Variants in SAMD3 observed in about 807,000 individuals in gnomAD.
The protein encoded by SAMD3 is sterile alpha motif domain containing 3.
A neutral mutation model predicts 58.5 loss-of-function variants in SAMD3; 63 were observed. That is an observed-to-expected ratio of 1.08 (90% CI 0.88 to 1.33). The LOEUF (loss-of-function observed/expected upper bound fraction) is 1.33. SAMD3 is among the 40% of genes most tolerant of loss of function. The probability of loss-of-function intolerance (pLI) is 0.00; values close to 1 mark genes in which losing one functional copy is unlikely to be tolerated. For synonymous variants in SAMD3, 220 were observed against 210.3 expected (o/e 1.05, Z -0.40); for missense variants, 604 against 608.4 (o/e 0.99, Z 0.08).
At chr6:130,196,179 G>A (rs1032183360) in intron 5 of SAMD3, among the ~76,000 whole-genome samples, 1 of 152,132 alleles carries the variant, frequency 6.6e-6, no homozygotes, top group Non-Finnish European at 1.5e-5. Flanking sequence ...CCGTGCAGTG[G>A]CTCCTGCCCC....
intron 2 of SAMD3, among the ~76,000 whole-genome samples, chr6:130,294,324 C>G (rs1775483191): frequency 6.6e-6 from 1 of 152,182 alleles, no homozygotes; most frequent in Non-Finnish European, 1.5e-5. Context: ...AAAATCACTT[C>G]AGAGAATCTT....
At chr6:130,349,545 C>T (rs1474997355) in intron 1 of SAMD3, among the ~76,000 whole-genome samples, 1 of 152,114 alleles carries the variant, frequency 6.6e-6, no homozygotes, top group Non-Finnish European at 1.5e-5. Flanking sequence ...CTGAATAGAC[C>T]AATAACAGGC....
chr6:130,343,703 G>A (rs557198022), intron 1 of SAMD3, among the ~76,000 whole-genome samples: 46 of 152,316 alleles, frequency 3.0e-4, no homozygotes, highest in African/African-American at 1.1e-3. Context: ...TCTGGCTCAG[G>A]CCTGTAATCC....
At chr6:130,145,083 AACCCCG>A (rs1788494383) in intron 11 of SAMD3, among the ~76,000 whole-genome samples, 1 of 152,128 alleles carries the variant, frequency 6.6e-6, no homozygotes, top group Non-Finnish European at 1.5e-5. Context: ...AACACCGTGA[AACCCCG>A]TCTCTACTAA....
chr6:130,153,743 T>C (rs1468612380), intron 9 of SAMD3, among the ~76,000 whole-genome samples: 1 of 151,044 alleles, frequency 6.6e-6, no homozygotes, highest in Non-Finnish European at 1.5e-5. Flanking sequence ...GGCTCAGTCA[T>C]GGCTCACTGC....
chr6:130,337,473 T>A (rs774247936), intron 1 of SAMD3, among the ~76,000 whole-genome samples: 16 of 152,196 alleles, frequency 1.1e-4, no homozygotes, highest in Non-Finnish European at 2.4e-4. Context: ...ACTACTATAG[T>A]AAATTGGTAC....
intron 8 of SAMD3, among the ~76,000 whole-genome samples, chr6:130,164,195 A>AT (rs1195711157): frequency 3.9e-5 from 6 of 152,062 alleles, no homozygotes; most frequent in African/African-American, 9.7e-5. Context: ...AATGTTAGGT[A>AT]TTTTTTCCTC....
chr6:130,152,466 C>T (rs1330715656), intron 9 of SAMD3, among the ~76,000 whole-genome samples: 2 of 151,934 alleles, frequency 1.3e-5, no homozygotes, highest in African/African-American at 4.8e-5. Flanking sequence ...CACCTGAGCT[C>T]AGGAGTTCAA....
intron 2 of SAMD3, among the ~76,000 whole-genome samples, chr6:130,230,279 C>A (rs1796506440): frequency 2.0e-5 from 3 of 152,224 alleles, no homozygotes; most frequent in Admixed American, 2.0e-4. Context: ...GGAAACCCAG[C>A]AGTAACAGCT....
intron 1 of SAMD3, among the ~76,000 whole-genome samples, chr6:130,326,253 CTATGTTG>C (rs1326306638): frequency 6.6e-6 from 1 of 152,060 alleles, no homozygotes; most frequent in East Asian, 1.9e-4. Context: ...TACTCTTGTC[CTATGTTG>C]TATGCTTAAA....
At chr6:130,305,885 C>A (rs1358963636) in intron 2 of SAMD3, among the ~76,000 whole-genome samples, 3 of 152,188 alleles carry the variant, frequency 2.0e-5, no homozygotes, top group Non-Finnish European at 4.4e-5. Context: ...AACTTACAAA[C>A]AAAATAAATT....
At chr6:130,160,138 C>T (rs1437706299) in intron 8 of SAMD3, 1 of 152,138 alleles carries the variant, frequency 6.6e-6, no homozygotes, top group African/African-American at 2.4e-5. Flanking sequence ...AGTATAAATC[C>T]TTGAAAAAAA....
chr6:130,227,924 C>T (rs564866865), upstream of SAMD3, among the ~76,000 whole-genome samples: 50 of 151,908 alleles, frequency 3.3e-4, 1 homozygote, highest in Non-Finnish European at 1.8e-4. Context: ...TAAATGGAAA[C>T]GAGAGAATTT....
At chr6:130,167,480 C>T (rs1470749296) in intron 8 of SAMD3, among the ~76,000 whole-genome samples, 3 of 152,180 alleles carry the variant, frequency 2.0e-5, no homozygotes, top group East Asian at 1.9e-4. Flanking sequence ...GTATAAAGTA[C>T]AATCTTACAT....
chr6:130,365,476 G>T, upstream of SAMD3: 3 of 985,546 alleles, frequency 3.0e-6, no homozygotes, highest in Non-Finnish European at 3.6e-6. Context: ...CCGCCAGGGG[G>T]ACCCCGGCCC....
chr6:130,304,229 A>G (rs980126178), intron 2 of SAMD3, among the ~76,000 whole-genome samples: 18 of 152,188 alleles, frequency 1.2e-4, no homozygotes, highest in African/African-American at 4.3e-4. Flanking sequence ...AAGTGCAGTG[A>G]TGTGATCTCG....
chr6:130,153,669 T>TATATATATATATATATA (rs1789447983), intron 9 of SAMD3, among the ~76,000 whole-genome samples: 1 of 142,436 alleles, frequency 7.0e-6, no homozygotes, highest in Non-Finnish European at 1.5e-5. Context: ...TATATATTTA[T>TATATATATATATATATA]TTATTTATTT....
intron 5 of SAMD3, among the ~76,000 whole-genome samples, chr6:130,196,008 G>A (rs907657746): frequency 1.3e-5 from 2 of 152,098 alleles, no homozygotes; most frequent in African/African-American, 4.8e-5. Flanking sequence ...TTTAGAGACT[G>A]CCCACAACCG....
At chr6:130,213,304 A>C (rs1795727923) in intron 4 of SAMD3, among the ~76,000 whole-genome samples, 1 of 151,778 alleles carries the variant, frequency 6.6e-6, no homozygotes, top group Admixed American at 6.6e-5. Flanking sequence ...CTCTAAAAAA[A>C]ACAAAAAGCT....
Sources: allele counts gnomAD v4.1 joint callset (sites outside exome capture counted in the v4.1 genomes callset), GRCh38; gene constraint gnomAD v4.1.1; transcripts MANE v1.5; gene names NCBI Gene and HGNC (gene_info 2026-07-23, HGNC 2026-07-21).